The following COMMD5 variants were observed in gnomAD, a reference collection of about 807,000 sequenced individuals.
COMMD5 encodes COMM domain-containing protein 5.
COMMD5 carries 10 observed loss-of-function variants against 6.9 expected under a neutral mutation model. The observed-to-expected ratio is 1.44, with a 90% CI of 0.89 to 2.45. The LOEUF (loss-of-function observed/expected upper bound fraction) is 2.45, where lower values mean the gene tolerates loss of function less well. Among genes scored for constraint, COMMD5 ranks in the 30% most tolerant of loss-of-function variants. The pLI, the probability that COMMD5 is intolerant of heterozygous loss-of-function variation, is 0.00. For missense variants in COMMD5, 234 were observed against 287.8 expected (o/e 0.81, Z 1.35); for synonymous variants, 127 against 125.3 (o/e 1.01, Z -0.09).
intron 1 of COMMD5, chr8:144,842,244 G>A (rs753050056): frequency 1.9e-6 from 3 of 1,614,070 alleles, no homozygotes; most frequent in Non-Finnish European, 2.5e-6. Context: ...CCCTAGCCCA[G>A]CATCAAAGGA....
downstream of COMMD5, chr8:144,838,053 C>G (rs774206131): frequency 5.8e-6 from 4 of 693,726 alleles, no homozygotes; most frequent in Middle Eastern, 6.9e-4. Flanking sequence ...CAAGCAGGGC[C>G]GTGCCCCCCT....
downstream of COMMD5, among the ~76,000 whole-genome samples, chr8:144,849,632 G>A (rs1164529682): frequency 6.6e-6 from 1 of 152,146 alleles, no homozygotes; most frequent in Non-Finnish European, 1.5e-5. Flanking sequence ...TGGCTCTGCA[G>A]AGACCGAGCA....
At chr8:144,843,936 G>C (rs560241456) in intron 1 of COMMD5, among the ~76,000 whole-genome samples, 11 of 152,268 alleles carry the variant, frequency 7.2e-5, no homozygotes, top group African/African-American at 2.4e-4. Flanking sequence ...ACTTAACCCA[G>C]CCACCCAGGA....
intron 1 of COMMD5, chr8:144,842,244 G>C (rs753050056): frequency 6.2e-7 from 1 of 1,614,070 alleles, no homozygotes; most frequent in Admixed American, 1.7e-5. Context: ...CCCTAGCCCA[G>C]CATCAAAGGA....
At chr8:144,838,165 A>G (rs1292682277), downstream of COMMD5, 2 of 702,476 alleles carry the variant, frequency 2.8e-6, no homozygotes, top group Non-Finnish European at 5.2e-6. Context: ...CCTCACTCTG[A>G]TCTCCGACTC....
At chr8:144,843,195 T>C in intron 1 of COMMD5, 1 of 1,537,094 alleles carries the variant, frequency 6.5e-7, no homozygotes, top group Admixed American at 2.2e-5. Context: ...TGTGTATATA[T>C]GTGAATAAAC....
intron 1 of COMMD5, chr8:144,842,168 G>A (rs1252362720): frequency 1.2e-6 from 2 of 1,613,994 alleles, no homozygotes; most frequent in East Asian, 2.2e-5. Flanking sequence ...AGACACCAGA[G>A]AACTCACACT....
At chr8:144,842,844 G>A (rs1254844082) in intron 1 of COMMD5, 4 of 1,614,086 alleles carry the variant, frequency 2.5e-6, no homozygotes, top group African/African-American at 2.7e-5. Context: ...CAGGGGTGAA[G>A]CCCTATGAGT....
At position 144,851,348 on chromosome 8, in the gene COMMD5, T is replaced by C. The variant is rs1180182954; in HGVS notation, c.-10A>G. 1.3e-6 allele frequency: 2 copies of C among 1,595,690 alleles called. No homozygotes were observed. Among genetic ancestry groups the C allele is most frequent in the Admixed American group, 3.4e-5 (2 of 59,040 alleles). The stretch of plus-strand genomic sequence containing the variant: ...CCCCCACAGCAGACATTGCTGCTGC[T>C]TCCTCTTTGATCAGCCAGCCCAGGA... On this transcript the variant is annotated 5_prime_UTR_variant, in exon 2 of 2. Transcript: ENST00000305103.
chr8:144,846,314 G>C, downstream of COMMD5: 1 of 851,326 alleles, frequency 1.2e-6, no homozygotes, highest in Non-Finnish European at 1.7e-6. Context: ...CCTAAGTCAG[G>C]GGCTGGCAAA....
chr8:144,845,167 TTCA>T (rs1244207895), downstream of COMMD5, among the ~76,000 whole-genome samples: 3 of 152,170 alleles, frequency 2.0e-5, no homozygotes, highest in African/African-American at 7.2e-5. Context: ...GGTCTGAGAT[TTCA>T]TTCTTTGTAG....
Position 144,843,334 on chromosome 8 carries a change from C to A in COMMD5, c.*117-1591G>T, listed in dbSNP as rs186468249. ...GCCGAGTGTGGTGGCTTATGCCTGTCATCCCAGCACTTTGGGAGGCCAAGG... is the reference window on the plus strand; with the variant it reads ...GCCGAGTGTGGTGGCTTATGCCTGTAATCCCAGCACTTTGGGAGGCCAAGG... On this transcript the variant is annotated intron_variant and NMD_transcript_variant, in intron 1 of 1. Coordinates refer to the COMMD5 transcript ENST00000530332. 1.1e-3 allele frequency: 861 copies of A among 815,832 alleles called. 5 individuals are homozygous for A. The highest frequency in any genetic ancestry group is 3.3e-3 in the Admixed American group (99 of 29,848). The allele number at this position is 815,832 out of a possible 1,614,324, so 50.5% of individuals were successfully genotyped here.
downstream of COMMD5, among the ~76,000 whole-genome samples, chr8:144,840,091 C>T (rs375831537): frequency 6.6e-6 from 1 of 152,224 alleles, no homozygotes; most frequent in East Asian, 1.9e-4. Context: ...TGAGCCACTG[C>T]ACCTGGCCAC....
downstream of COMMD5, chr8:144,838,223 C>T (rs1202511514): frequency 5.8e-6 from 4 of 690,226 alleles, no homozygotes; most frequent in African/African-American, 5.3e-5. Flanking sequence ...ATGTGGCCAT[C>T]TCCTTAGAAG....
downstream of COMMD5, among the ~76,000 whole-genome samples, chr8:144,849,655 C>T (rs1830649296): frequency 6.6e-6 from 1 of 152,122 alleles, no homozygotes; most frequent in Non-Finnish European, 1.5e-5. Context: ...AAGGCCCCTC[C>T]TGGAACACAG....
intron 1 of COMMD5, chr8:144,843,629 G>A (rs185167554): frequency 6.6e-6 from 1 of 150,950 alleles, no homozygotes; most frequent in Admixed American, 6.6e-5. Context: ...CATACAAAAT[G>A]TATGTTTATT....
In COMMD5 at chr8:144,851,285, G is replaced by C. The variant is rs753456587; in HGVS notation, c.54C>G (p.His18Gln). Residue 18 changes from histidine (H) to glutamine (Q), a missense_variant, in exon 2 of 2, where the codon CAC becomes CAG. His to Gln is a conservative substitution (Grantham distance 24). Transcript: ENST00000305103. ...CCCCCAAGAAACTCACTCGGCCACT[G>C]TGACTATCACCAGGATGATGCAGGT... Reference protein sequence around the residue: ...TPYLHHPGDSHSGRVSFLGAQ... With the variant: ...TPYLHHPGDSQSGRVSFLGAQ... 6.1e-5 allele frequency: 99 copies of C among 1,613,920 alleles called. 1 individual carries two copies. In the South Asian group the frequency reaches 1.1e-3, roughly 18 times the overall value.
At chr8:144,839,375 C>T (rs1353452195), downstream of COMMD5, among the ~76,000 whole-genome samples, 1 of 152,258 alleles carries the variant, frequency 6.6e-6, no homozygotes, top group Non-Finnish European at 1.5e-5. Context: ...GCTCTGCTGG[C>T]TACTCCCATG....
At chr8:144,846,757 G>A (rs1245648106), downstream of COMMD5, 2 of 152,538 alleles carry the variant, frequency 1.3e-5, no homozygotes, top group Non-Finnish European at 2.9e-5. Flanking sequence ...GAAGTGCAGT[G>A]GTGCGGTCTC....
Sources: gnomAD v4.1 joint callset for allele counts (sites outside exome capture counted in the v4.1 genomes callset) on GRCh38, gnomAD v4.1.1 for gene constraint, MANE v1.5 for transcripts, NCBI Gene and HGNC (gene_info 2026-07-23, HGNC 2026-07-21) for gene names.